The following DNAH10 variants were observed in gnomAD, a reference collection of about 807,000 sequenced individuals.
The protein encoded by DNAH10 is dynein axonemal heavy chain 10.
Under a neutral mutation model 506.6 loss-of-function variants are expected in DNAH10, and 348 were observed. The ratio of observed to expected loss-of-function variants is 0.69; its 90% CI spans 0.63 to 0.75. The LOEUF is 0.75. Ranked by LOEUF, DNAH10 falls within the 30% of genes least tolerant of loss-of-function variation. The pLI is 0.00. For synonymous variants in DNAH10, 2,059 were observed against 2,198.6 expected, an observed-to-expected ratio of 0.94 and a Z score of 1.78; for missense variants, 5,179 against 5,787.1, an observed-to-expected ratio of 0.89 and a Z score of 3.41.
chr12:123,767,859 T>C (rs920208718), intron 2 of DNAH10, among the ~76,000 whole-genome samples, 170 bp downstream of exon 2: 1 of 152,218 alleles, frequency 6.6e-6, no homozygotes, highest in Admixed American at 6.5e-5. Flanking sequence ...CCACGGCTGC[T>C]GTCACAAGTG....
chr12:123,908,539 T>C (rs944870914), intron 57 of DNAH10: 5 of 456,028 alleles, frequency 1.1e-5, no homozygotes, highest in African/African-American at 2.0e-5. Context: ...TGACCTTGCC[T>C]GGCAGTGGGA....
At chr12:123,779,258 C>A (rs1957554523) in intron 5 of DNAH10, among the ~76,000 whole-genome samples, 1 of 151,926 alleles carries the variant, frequency 6.6e-6, no homozygotes, top group African/African-American at 2.4e-5. Flanking sequence ...CCCGGCTGTT[C>A]TCGAACTCCT....
chr12:123,810,763 C>A (rs761773529), intron 19 of DNAH10, among the ~76,000 whole-genome samples: 8 of 152,118 alleles, frequency 5.3e-5, no homozygotes, highest in Non-Finnish European at 1.2e-4. Flanking sequence ...TATTAAGTCT[C>A]TGTTACATAA....
Position 123,853,984 on chromosome 12 carries a change from G to A in DNAH10, c.6438+632G>A, listed in dbSNP as rs1482809456. Among the ~76,000 whole-genome samples the A allele has an allele frequency of 6.6e-6, 1 of 151,022 alleles. No individual in the cohort carries two copies. Among genetic ancestry groups the A allele is most frequent in the Non-Finnish European group, 1.5e-5 (1 of 67,898 alleles). On this transcript the variant is annotated intron_variant, in intron 36 of 78. Coordinates refer to ENST00000673944, the MANE Select transcript of DNAH10 (RefSeq NM_001372106.1). This position sits in a 1 kb window ranked among gnomAD's most constrained non-coding sequence, Gnocchi z 4.7. ...GGTAGTAAAAAAAAAACAGCCGTGA[G>A]TGCAGTGATAGAAGCCTGTTTGTGT... is the stretch of plus-strand genomic sequence containing the variant.
At chr12:123,862,569 T>C (rs1951653833) in intron 39 of DNAH10, among the ~76,000 whole-genome samples, 1 of 152,058 alleles carries the variant, frequency 6.6e-6, no homozygotes, top group South Asian at 2.1e-4. Flanking sequence ...TTTGCTTTTT[T>C]TTGTAGAGAC....
chr12:123,932,542 A>C (rs1955266943), intron 76 of DNAH10: 1 of 162,862 alleles, frequency 6.1e-6, no homozygotes, highest in South Asian at 1.7e-4. Context: ...GAATATGCAT[A>C]GGGGTATATT....
chr12:123,801,245 C>A, intron 15 of DNAH10, 36 bp from the exon 16 acceptor site: 1 of 1,596,294 alleles, frequency 6.3e-7, no homozygotes, highest in Non-Finnish European at 8.5e-7. Flanking sequence ...CTTAAAGGTG[C>A]TCTCCTCAGG....
At chr12:123,825,636 G>A (rs1388805314) in intron 24 of DNAH10, among the ~76,000 whole-genome samples, 1 of 152,190 alleles carries the variant, frequency 6.6e-6, no homozygotes, top group East Asian at 1.9e-4. Context: ...GGTTAACTGG[G>A]GGTAGGGACA....
rs772826937 is a variant in DNAH10 at position 123,925,202 on chromosome 12, GAAGT to G, written c.11921+3_11921+6del. 1.9e-6 allele frequency: 3 copies of G among 1,613,918 alleles called. No individual in the cohort carries two copies. The highest frequency in any genetic ancestry group is 1.1e-5 in the South Asian group (1 of 91,074). On this transcript the variant is annotated splice_donor_variant and coding_sequence_variant, in exon 68 of 79. Transcript: ENST00000673944. LOFTEE classifies it high-confidence loss of function. This position sits in a 1 kb window ranked among gnomAD's most constrained non-coding sequence, Gnocchi z 4.0. Reference sequence around the variant, plus strand: ...ACTATGTGACTGTAACAATGGGAGAGAAGTAAGTGTGTCGTTTTGTTGATTTGCC... The same window carrying G: ...ACTATGTGACTGTAACAATGGGAGAGAAGTGTGTCGTTTTGTTGATTTGCC...
At chr12:123,823,125 C>T (rs948242055) in intron 24 of DNAH10, among the ~76,000 whole-genome samples, 1 of 152,186 alleles carries the variant, frequency 6.6e-6, no homozygotes. Flanking sequence ...GAGGAGGTGG[C>T]CTGGGAGTGA....
At chr12:123,921,902 A>G (rs1198945325) in intron 65 of DNAH10, among the ~76,000 whole-genome samples, 2 of 151,276 alleles carry the variant, frequency 1.3e-5, no homozygotes, top group Non-Finnish European at 2.9e-5. Context: ...TTTAGTAGAG[A>G]CAGGGTTTTG....
rs1467395279 is a variant in DNAH10 at position 123,772,916 on chromosome 12, T to G, written c.479T>G (p.Val160Gly). 6.2e-7 allele frequency: 1 copy of G among 1,612,832 alleles called. No homozygotes were observed. The highest frequency in any genetic ancestry group is 1.7e-5 in the Admixed American group (1 of 59,774). The change falls in exon 4 of 79, where the codon GTG becomes GGG. Residue 160 changes from valine (V) to glycine (G), a missense_variant. Coordinates refer to ENST00000673944, the MANE Select transcript of DNAH10 (RefSeq NM_001372106.1). ...PLPEEFLDQN[V>G]VFFLRNTKEA... ...CCCGAGGAGTTCCTGGACCAAAACG[T>G]GGTGTTTTTCCTCAGAAATACCAAA...
In DNAH10 at chr12:123,865,945, A is replaced by T; in HGVS notation, c.7045-6A>T. The T allele has an allele frequency of 6.3e-7, 1 of 1,597,860 alleles. No individual in the cohort carries two copies. Among genetic ancestry groups the T allele is most frequent in the African/African-American group, 1.3e-5 (1 of 74,328 alleles). On this transcript the variant is annotated splice_polypyrimidine_tract_variant and splice_region_variant and intron_variant, in intron 40 of 78. Transcript: ENST00000673944. ...TAGCCATGATTGATTTTCTTTATTT[A>T]TCCAGGTTGGAGATTTACAGTATGC... is the stretch of plus-strand genomic sequence containing the variant.
intron 35 of DNAH10, among the ~76,000 whole-genome samples, chr12:123,851,527 A>G (rs1226313759): frequency 1.3e-5 from 2 of 152,208 alleles, no homozygotes; most frequent in African/African-American, 2.4e-5. Flanking sequence ...AGAGGTTGCA[A>G]CAATAGTAGC....
At chr12:123,800,971 C>T (rs980610492) in intron 15 of DNAH10, among the ~76,000 whole-genome samples, 9 of 151,470 alleles carry the variant, frequency 5.9e-5, no homozygotes, top group East Asian at 1.9e-4. Context: ...GAGCCGAGAT[C>T]GTGCCACTGC....
At chr12:123,874,886 CATCA>C (rs1952189607) in intron 46 of DNAH10, among the ~76,000 whole-genome samples, 1 of 152,056 alleles carries the variant, frequency 6.6e-6, no homozygotes, top group African/African-American at 2.4e-5. Flanking sequence ...TCTGCCCATC[CATCA>C]ATTTGTCCAT....
chr12:123,931,916 C>T (rs3748265), intron 75 of DNAH10, 25 bp from the exon 76 acceptor site: 62,838 of 1,613,584 alleles, frequency 0.039, 1,905 homozygotes, highest in East Asian at 0.16. Flanking sequence ...TAGAGTCCTG[C>T]CCGATTGCTC....
rs1233941801 is a variant in DNAH10, at chr12:123,818,635, T to C, written c.3781-315T>C. 2.6e-5 allele frequency among the ~76,000 whole-genome samples: 4 copies of C among 152,136 alleles called. No individual in the cohort carries two copies. The East Asian group carries it at 5.8e-4, about 22-fold the overall frequency. On this transcript the variant is annotated intron_variant, in intron 21 of 78. Coordinates refer to ENST00000673944, the MANE Select transcript of DNAH10 (RefSeq NM_001372106.1). ...CACTGTGCCCAGCCTAATATTTCTTTTTAAAATTTCTTTTTCTTTTTATAT... is the reference window on the plus strand; with the variant it reads ...CACTGTGCCCAGCCTAATATTTCTTCTTAAAATTTCTTTTTCTTTTTATAT...
In DNAH10 at chr12:123,928,219, A is replaced by C. The variant is rs544014150; in HGVS notation, c.12106-168A>C. 182 of 760,904 alleles carry C rather than the reference A, an allele frequency of 2.4e-4. 1 individual carries two copies. The highest frequency in any genetic ancestry group is 1.9e-3 in the Admixed American group (68 of 35,310). The allele number at this position is 760,904 out of a possible 1,614,324, so 47.1% of individuals were successfully genotyped here. A position where few individuals can be genotyped will look rare whatever the true frequency, so the allele number is the denominator to read the frequency against. On this transcript the variant is annotated intron_variant, in intron 69 of 78. Coordinates refer to ENST00000673944, the MANE Select transcript of DNAH10 (RefSeq NM_001372106.1). This position sits in a 1 kb window ranked among gnomAD's most constrained non-coding sequence, Gnocchi z 4.9. ...ACCCACGGGGCCCATGGGGTTTCTC[A>C]AAGATGGTTTATTTGAAGGCTCCAC...
Sources: allele counts gnomAD v4.1 joint callset (sites outside exome capture counted in the v4.1 genomes callset), GRCh38; gene constraint gnomAD v4.1.1; non-coding constraint Gnocchi (gnomAD v3.1); transcripts MANE v1.5; gene names NCBI Gene and HGNC (gene_info 2026-07-23, HGNC 2026-07-21).